The following PIGK variants were observed in gnomAD, a reference collection of about 807,000 sequenced individuals.
PIGK encodes GPI-anchor transamidase.
A neutral mutation model predicts 50.6 loss-of-function variants in PIGK; 42 were observed. The ratio of observed to expected loss-of-function variants is 0.83; its 90% CI spans 0.65 to 1.07. The LOEUF (loss-of-function observed/expected upper bound fraction) is 1.07, where lower values mean the gene tolerates loss of function less well. Among genes scored for constraint, PIGK ranks in the 50% least tolerant of loss-of-function variants. PIGK has a pLI of 0.00. For missense variants in PIGK, 448 were observed against 488.7 expected (o/e 0.92, Z 0.78); for synonymous variants, 151 against 156.0 (o/e 0.97, Z 0.24).
intron 1 of PIGK, among the ~76,000 whole-genome samples, chr1:77,216,576 C>CATG (rs1170652572): frequency 6.6e-6 from 1 of 151,980 alleles, no homozygotes; most frequent in African/African-American, 2.4e-5. Flanking sequence ...GATAAATTGA[C>CATG]ATGATAAATA....
chr1:77,116,656 C>T (rs6603934), intron 10 of PIGK, among the ~76,000 whole-genome samples: 99,945 of 150,966 alleles, frequency 0.66, 33,731 homozygotes, highest in African/African-American at 0.81. Flanking sequence ...TAAAGATAAA[C>T]TTAGTGTCAC....
At position 77,163,899 on chromosome 1, in the gene PIGK, T is replaced by G; in HGVS notation, c.531A>C (p.Glu177Asp). Residue 177 changes from glutamate (E) to aspartate (D), a missense_variant, in exon 6 of 11, where the codon GAA (glutamate) becomes GAC (aspartate). Transcript: ENST00000370812. The stretch of plus-strand genomic sequence containing the variant: ...CATCCGCGAGTTCTATGTTGGTAAT[T>G]TCTTCAGAATCTTGAAATTTTAAGA... ...NGFLKFQDSE[E>D]ITNIELADAF... The G allele has an allele frequency of 6.2e-7, 1 of 1,609,498 alleles. No homozygotes were observed. Among genetic ancestry groups the G allele is most frequent in the Non-Finnish European group, 8.5e-7 (1 of 1,177,538 alleles).
intron 10 of PIGK, among the ~76,000 whole-genome samples, chr1:77,117,254 T>C (rs970522147): frequency 3.3e-5 from 5 of 152,250 alleles, no homozygotes; most frequent in Admixed American, 3.3e-4. Context: ...TTTCATTTAA[T>C]GAATCATATC....
intron 3 of PIGK, among the ~76,000 whole-genome samples, chr1:77,178,091 C>T (rs995765177): frequency 6.6e-6 from 1 of 152,158 alleles, no homozygotes; most frequent in Non-Finnish European, 1.5e-5. Flanking sequence ...CTTGTGTGCA[C>T]TTTGGGTATA....
chr1:77,205,947 T>C (rs901501302), intron 3 of PIGK, among the ~76,000 whole-genome samples: 2 of 152,078 alleles, frequency 1.3e-5, no homozygotes, highest in East Asian at 3.9e-4. Flanking sequence ...TAATGCCATA[T>C]ACTAGCTCTT....
intron 1 of PIGK, among the ~76,000 whole-genome samples, chr1:77,215,134 A>C (rs931094083): frequency 6.6e-6 from 1 of 152,180 alleles, no homozygotes; most frequent in African/African-American, 2.4e-5. Flanking sequence ...TCTTCACAGA[A>C]ATAGAAAAGC....
At chr1:77,214,342 T>G (rs945464501) in intron 1 of PIGK, among the ~76,000 whole-genome samples, 4 of 151,548 alleles carry the variant, frequency 2.6e-5, no homozygotes, top group African/African-American at 9.7e-5. Context: ...CACAATAGAG[T>G]AGTGTTAATT....
At chr1:77,181,143 C>T (rs189802513) in intron 3 of PIGK, among the ~76,000 whole-genome samples, 6 of 152,052 alleles carry the variant, frequency 3.9e-5, no homozygotes, top group Admixed American at 2.6e-4. Context: ...ATCTGATAAA[C>T]ATATATGAAG....
chr1:77,171,873 T>C (rs1230785019), intron 3 of PIGK, among the ~76,000 whole-genome samples: 2 of 152,072 alleles, frequency 1.3e-5, no homozygotes, highest in African/African-American at 4.8e-5. Flanking sequence ...AGCATATAAA[T>C]GCAAACAAAC....
At chr1:77,102,690 A>G (rs1653576548) in intron 10 of PIGK, among the ~76,000 whole-genome samples, 1 of 152,238 alleles carries the variant, frequency 6.6e-6, no homozygotes, top group Non-Finnish European at 1.5e-5. Flanking sequence ...GGTTGTTTTA[A>G]ACCACCAAAT....
Position 77,089,448 on chromosome 1 carries a change from A to C in PIGK, c.*2926T>G, listed in dbSNP as rs570663645. Reference sequence around the variant, plus strand: ...GGCTTAATTTTGGTAAAGTCAACTGAAAAAAGTTATATGTTAATGCAACAT... The same window carrying C: ...GGCTTAATTTTGGTAAAGTCAACTGCAAAAAGTTATATGTTAATGCAACAT... On this transcript the variant is annotated 3_prime_UTR_variant, in exon 11 of 11. Transcript: ENST00000370812. 6.6e-6 allele frequency: 1 copy of C among 152,558 alleles called. No homozygotes were observed. The highest frequency in any genetic ancestry group is 1.9e-4 in the East Asian group (1 of 5,192). 9.5% of individuals were successfully genotyped at this position (152,558 alleles called of 1,614,324 possible).
At chr1:77,167,478 T>G (rs1655262118) in intron 4 of PIGK, among the ~76,000 whole-genome samples, 1 of 152,186 alleles carries the variant, frequency 6.6e-6, no homozygotes, top group Non-Finnish European at 1.5e-5. Context: ...GCATGATGGC[T>G]CACACCTGTA....
chr1:77,193,284 T>TGTGTGTGTGTGTGTGTG (rs1655954057), intron 3 of PIGK, among the ~76,000 whole-genome samples: 14 of 150,774 alleles, frequency 9.3e-5, no homozygotes, highest in African/African-American at 2.9e-4. Flanking sequence ...TGTGTGTGTG[T>TGTGTGTGTGTGTGTGTG]TTCTCCTAAG....
chr1:77,101,346 G>A (rs1329368620), intron 10 of PIGK, among the ~76,000 whole-genome samples: 3 of 151,302 alleles, frequency 2.0e-5, no homozygotes, highest in African/African-American at 7.4e-5. Flanking sequence ...TCCAGGTTAA[G>A]TCTATTCTCA....
At chr1:77,153,374 A>G (rs903380871) in intron 9 of PIGK, among the ~76,000 whole-genome samples, 34 of 151,994 alleles carry the variant, frequency 2.2e-4, no homozygotes, top group Admixed American at 4.6e-4. Context: ...GAGAATGAAG[A>G]GAAGTTGGTT....
chr1:77,154,195 T>A, intron 9 of PIGK: 1 of 514,174 alleles, frequency 1.9e-6, no homozygotes, highest in East Asian at 3.2e-5. Context: ...TTGTGGCAAG[T>A]ATCAAACTGA....
chr1:77,186,429 C>T (rs887848822), intron 3 of PIGK, among the ~76,000 whole-genome samples: 3 of 152,214 alleles, frequency 2.0e-5, no homozygotes, highest in Non-Finnish European at 2.9e-5. Context: ...TGACTATATA[C>T]TGATTCATGG....
In PIGK at chr1:77,162,098, T is replaced by A. The variant is rs139728577; in HGVS notation, c.585-387A>T. 3.3e-3 allele frequency among the ~76,000 whole-genome samples: 507 copies of A among 152,270 alleles called. 1 individual carries two copies. The highest frequency in any genetic ancestry group is 4.5e-3 in the Non-Finnish European group (303 of 67,996). On this transcript the variant is annotated intron_variant, in intron 6 of 10. Coordinates refer to ENST00000370812, the MANE Select transcript of PIGK (RefSeq NM_005482.3). ...ATACTCAAAGAGCATAAACTCTAAG[T>A]GGAACACAGACAAACATACAACTAC...
chr1:77,150,500 A>AAAAG (rs1289139170), intron 9 of PIGK, among the ~76,000 whole-genome samples: 2 of 151,668 alleles, frequency 1.3e-5, no homozygotes, highest in Non-Finnish European at 2.9e-5. Flanking sequence ...AAAAAAAAAA[A>AAAAG]AAAGAAAGAA....
Sources: allele counts gnomAD v4.1 joint callset (sites outside exome capture counted in the v4.1 genomes callset), GRCh38; gene constraint gnomAD v4.1.1; transcripts MANE v1.5; gene names NCBI Gene and HGNC (gene_info 2026-07-23, HGNC 2026-07-21).